SPART: variants seen among roughly 807,000 people sequenced by gnomAD.
SPART encodes spastic paraplegia 20 (Troyer syndrome).
A neutral mutation model predicts 58.7 loss-of-function variants in SPART; 35 were observed. The observed-to-expected ratio is 0.60, with a 90% confidence interval of 0.46 to 0.79. SPART has a LOEUF of 0.79. Among genes scored for constraint, SPART ranks in the 30% least tolerant of loss-of-function variants. SPART has a pLI of 0.00. For missense variants in SPART, 730 were observed against 786.1 expected (o/e 0.93, Z 0.85); for synonymous variants, 284 against 280.7 (o/e 1.01, Z -0.12).
Position 36,303,301 on chromosome 13 carries a change from T to C in SPART, c.*1064A>G, listed in dbSNP as rs569297912. ...TTCAATAAACAAAAATTAAATACCA[T>C]TAGGTATTTAGTTACATAGTTTTTT... is the stretch of plus-strand genomic sequence containing the variant. On this transcript the variant is annotated 3_prime_UTR_variant, in exon 9 of 9. Coordinates refer to ENST00000438666, the MANE Select transcript of SPART (RefSeq NM_015087.5). 6.6e-6 allele frequency: 1 copy of C among 152,258 alleles called. No individual in the cohort carries two copies. The highest frequency in any genetic ancestry group is 2.4e-5 in the African/African-American group (1 of 41,548). 9.4% of individuals were successfully genotyped at this position (152,258 alleles called of 1,614,324 possible).
intron 1 of SPART, among the ~76,000 whole-genome samples, chr13:36,354,355 A>G (rs1309164608): frequency 6.6e-6 from 1 of 152,224 alleles, no homozygotes; most frequent in Non-Finnish European, 1.5e-5. Context: ...CCTGGTCTTC[A>G]GGACTGTCCT....
chr13:36,347,994 TGCAAATATTG>T (rs1421749596), upstream of SPART, among the ~76,000 whole-genome samples: 1 of 152,168 alleles, frequency 6.6e-6, no homozygotes, highest in Non-Finnish European at 1.5e-5. Flanking sequence ...TCTTTAGTCT[TGCAAATATTG>T]GCCAGGCTTG....
intron 5 of SPART, among the ~76,000 whole-genome samples, chr13:36,324,210 CTT>C (rs1019345612): frequency 3.3e-5 from 5 of 152,170 alleles, no homozygotes; most frequent in African/African-American, 1.2e-4. Flanking sequence ...TTGTTGTTTG[CTT>C]TTAACAACAA....
At chr13:36,338,966 C>A (rs9547346) in intron 1 of SPART, among the ~76,000 whole-genome samples, 37,887 of 151,862 alleles carry the variant, frequency 0.25, 5,235 homozygotes, top group East Asian at 0.51. Flanking sequence ...TTCACTCACA[C>A]GCACACACTC....
chr13:36,329,425 A>G lies in SPART; in HGVS notation c.1101T>C (p.Thr367=), dbSNP rs537481996. ...TGCCTTGGTCCAACTGTTTCACATC[A>G]GTGCCAGAGGCTTCTTTTAGTTGGT... The part of the protein sequence containing the change: ...SSDQLKEASG[T]DVKQLDQGNK... The change falls in exon 4 of 9, where the codon ACT becomes ACC. Residue 367 remains threonine (T), a synonymous_variant. Transcript: ENST00000438666. 2 of 1,614,124 alleles carry G rather than the reference A, an allele frequency of 1.2e-6. No homozygotes were observed. The highest frequency in any genetic ancestry group is 2.2e-5 in the East Asian group (1 of 44,856).
At chr13:36,366,968 C>G (rs1232304165) in intron 1 of SPART, among the ~76,000 whole-genome samples, 1 of 152,194 alleles carries the variant, frequency 6.6e-6, no homozygotes, top group Admixed American at 6.5e-5. Flanking sequence ...TCTAAGGACC[C>G]TTAGATCCAC....
upstream of SPART, among the ~76,000 whole-genome samples, chr13:36,347,184 TG>T (rs1378619216): frequency 1.3e-5 from 2 of 152,104 alleles, no homozygotes; most frequent in African/African-American, 4.8e-5. Context: ...AGTATGTACT[TG>T]CCCGGAGCAT....
At chr13:36,369,836 A>G (rs1886203706) in intron 1 of SPART, among the ~76,000 whole-genome samples, 1 of 152,184 alleles carries the variant, frequency 6.6e-6, no homozygotes, top group South Asian at 2.1e-4. Flanking sequence ...GGAAGAGTAA[A>G]GCCATGGAGA....
In SPART at chr13:36,335,377, C is replaced by A. The variant is rs371769949; in HGVS notation, c.454G>T (p.Ala152Ser). Residue 152 changes from alanine (A) to serine (S), a missense_variant, in exon 2 of 9, where the codon GCA (alanine) becomes TCA (serine). Transcript: ENST00000438666. ...NGNTSTPSAGAVAAPASLSLP... is the reference protein window; with the variant it reads ...NGNTSTPSAGSVAAPASLSLP... ...GACAGAGAAGCAGGTGCAGCAACTGCCCCTGCACTTGGAGTTGAGGTGTTT... is the reference window on the plus strand; with the variant it reads ...GACAGAGAAGCAGGTGCAGCAACTGACCCTGCACTTGGAGTTGAGGTGTTT... The A allele has an allele frequency of 6.2e-7, 1 of 1,614,080 alleles. No homozygotes were observed. The highest frequency in any genetic ancestry group is 1.7e-5 in the Admixed American group (1 of 59,996).
At chr13:36,344,945 ATGTATGTCTG>A (rs1593280850) in intron 1 of SPART, among the ~76,000 whole-genome samples, 1 of 152,246 alleles carries the variant, frequency 6.6e-6, no homozygotes, top group South Asian at 2.1e-4. Context: ...ACATAACTAC[ATGTATGTCTG>A]TGTATGTCTT....
At chr13:36,320,582 T>C (rs1882272298) in intron 5 of SPART, among the ~76,000 whole-genome samples, 1 of 152,156 alleles carries the variant, frequency 6.6e-6, no homozygotes, top group Non-Finnish European at 1.5e-5. Flanking sequence ...ACATCTGCTA[T>C]TCTACTACTC....
At chr13:36,362,056 C>T (rs1406078313) in intron 1 of SPART, among the ~76,000 whole-genome samples, 1 of 152,100 alleles carries the variant, frequency 6.6e-6, no homozygotes, top group Non-Finnish European at 1.5e-5. Flanking sequence ...CCCAGGCAAA[C>T]AATACCCATG....
chr13:36,366,841 T>G (rs1408975110), intron 1 of SPART, among the ~76,000 whole-genome samples: 1 of 152,070 alleles, frequency 6.6e-6, no homozygotes, highest in Non-Finnish European at 1.5e-5. Context: ...GTTCCTCCAC[T>G]CATCAGAGCC....
At chr13:36,315,659 C>T (rs1881616872) in intron 5 of SPART, among the ~76,000 whole-genome samples, 1 of 152,202 alleles carries the variant, frequency 6.6e-6, no homozygotes, top group Non-Finnish European at 1.5e-5. Flanking sequence ...GTGCAGGATT[C>T]AAACCCAAGC....
chr13:36,304,612 T>C lies in SPART; in HGVS notation c.1754A>G (p.Glu585Gly). Reference protein sequence around the residue: ...VRYKYGYNAGEATHHAVDSAV... With the variant: ...VRYKYGYNAGGATHHAVDSAV... The stretch of plus-strand genomic sequence containing the variant: ...AGAATCCACCGCATGGTGGGTAGCT[T>C]CTCCTGCATTATATCCGTATCTTTA... Residue 585 changes from glutamate (E) to glycine (G), a missense_variant, in exon 9 of 9, where the codon GAA (glutamate) becomes GGA (glycine). By Grantham distance (98) the Glu-to-Gly change is moderately conservative. Transcript: ENST00000438666. 4.3e-6 allele frequency: 7 copies of C among 1,613,984 alleles called. No individual in the cohort carries two copies. The highest frequency in any genetic ancestry group is 5.9e-6 in the Non-Finnish European group (7 of 1,179,960).
chr13:36,315,211 C>T (rs1881566105), intron 5 of SPART, among the ~76,000 whole-genome samples: 1 of 152,122 alleles, frequency 6.6e-6, no homozygotes, highest in Admixed American at 6.6e-5. Context: ...AGGGCCTTCT[C>T]TAGTGAGGAC....
At chr13:36,369,174 G>C (rs1886179951) in intron 1 of SPART, among the ~76,000 whole-genome samples, 1 of 151,986 alleles carries the variant, frequency 6.6e-6, no homozygotes, top group African/African-American at 2.4e-5. Context: ...TAAACAGCAA[G>C]AGGCCATACA....
intron 1 of SPART, among the ~76,000 whole-genome samples, chr13:36,354,168 T>C (rs537250186): frequency 5.3e-5 from 8 of 152,358 alleles, no homozygotes; most frequent in Non-Finnish European, 1.0e-4. Context: ...AGCTATTTGA[T>C]GTCCTTTGTA....
intron 5 of SPART, among the ~76,000 whole-genome samples, chr13:36,319,927 G>C (rs1235676026): frequency 1.3e-5 from 2 of 152,068 alleles, no homozygotes; most frequent in African/African-American, 2.4e-5. Context: ...CTGTCTGACT[G>C]ATCTCTCAAA....
Sources: allele counts gnomAD v4.1 joint callset (sites outside exome capture counted in the v4.1 genomes callset), GRCh38; gene constraint gnomAD v4.1.1; transcripts MANE v1.5; gene names NCBI Gene and HGNC (gene_info 2026-07-23, HGNC 2026-07-21).